Variants in PAM observed in about 807,000 individuals in gnomAD.
PAM encodes the protein peptidyl-glycine alpha-amidating monooxygenase.
In PAM, 72 loss-of-function variants were observed where a neutral mutation model predicts 122.1. The ratio of observed to expected loss-of-function variants is 0.59; its 90% CI spans 0.49 to 0.72. The LOEUF (loss-of-function observed/expected upper bound fraction) is 0.72, where lower values mean the gene tolerates loss of function less well. Ranked by LOEUF, PAM falls within the 30% of genes least tolerant of loss-of-function variation. The pLI is 0.00. For synonymous variants in PAM, 389 were observed against 404.4 expected (o/e 0.96, Z 0.46); for missense variants, 1,106 against 1,183.7 (o/e 0.93, Z 0.96).
chr5:102,779,240 A>G (rs113364315), intron 1 of PAM, among the ~76,000 whole-genome samples: 1,513 of 144,458 alleles, frequency 0.01, 31 homozygotes, highest in African/African-American at 0.036. Context: ...ATATATGTGT[A>G]TATATATATA....
chr5:102,767,743 G>A (rs936720401), intron 1 of PAM, among the ~76,000 whole-genome samples: 16 of 152,012 alleles, frequency 1.1e-4, no homozygotes, highest in Admixed American at 9.8e-4. Flanking sequence ...TTCACTAAAC[G>A]AAAAACAGCC....
At chr5:102,781,630 T>C (rs999207376) in intron 1 of PAM, among the ~76,000 whole-genome samples, 2 of 152,214 alleles carry the variant, frequency 1.3e-5, no homozygotes, top group African/African-American at 4.8e-5. Flanking sequence ...ATTTTTAGCT[T>C]TCTGCAAGCT....
At chr5:102,844,805 G>C (rs964190853) in intron 1 of PAM, among the ~76,000 whole-genome samples, 8 of 152,178 alleles carry the variant, frequency 5.3e-5, no homozygotes, top group Admixed American at 1.3e-4. Context: ...GCAGAGCTTA[G>C]ATATAAACTA....
At chr5:102,860,519 C>CA (rs1783881025) in intron 1 of PAM, among the ~76,000 whole-genome samples, 1 of 151,868 alleles carries the variant, frequency 6.6e-6, no homozygotes, top group Non-Finnish European at 1.5e-5. Flanking sequence ...TCTGTCTCTA[C>CA]AAAAAATACA....
At chr5:102,917,335 G>T (rs1745778581) in intron 5 of PAM, among the ~76,000 whole-genome samples, 1 of 152,122 alleles carries the variant, frequency 6.6e-6, no homozygotes, top group Non-Finnish European at 1.5e-5. Context: ...TTGAGTCATG[G>T]AATTGATCAC....
chr5:102,756,279 C>T (rs1244794092), intron 1 of PAM, among the ~76,000 whole-genome samples: 1 of 152,146 alleles, frequency 6.6e-6, no homozygotes, highest in Non-Finnish European at 1.5e-5. Context: ...TGGTCAGTAG[C>T]TTTGCGGGGC....
chr5:102,905,650 A>C (rs1281841977), intron 4 of PAM, among the ~76,000 whole-genome samples: 2 of 151,582 alleles, frequency 1.3e-5, no homozygotes, highest in Non-Finnish European at 3.0e-5. Flanking sequence ...TCGTATATCC[A>C]TGTTTTATGG....
intron 7 of PAM, among the ~76,000 whole-genome samples, chr5:102,931,927 G>A (rs193055114): frequency 6.6e-6 from 1 of 151,910 alleles, no homozygotes; most frequent in Non-Finnish European, 1.5e-5. Flanking sequence ...ATAGCCAAAA[G>A]TTTTGCTTTC....
rs374599328 is a variant in PAM, at chr5:102,991,325, A to G, written c.1613+924A>G. Among the ~76,000 whole-genome samples the G allele has an allele frequency of 3.3e-5, 5 of 152,196 alleles. 1 individual carries two copies. The highest frequency in any genetic ancestry group is 2.4e-5 in the African/African-American group (1 of 41,456). ...CAATTTTTAAAAGCTAAACCCCACA[A>G]TTTAGCAGCTTATTTTAATTCTTTT... On this transcript the variant is annotated intron_variant, in intron 16 of 25. Transcript: ENST00000438793.
At chr5:102,965,162 GACACACACACACAC>G (rs66633444) in intron 14 of PAM, among the ~76,000 whole-genome samples, 4 of 138,724 alleles carry the variant, frequency 2.9e-5, no homozygotes, top group Admixed American at 7.3e-5. Context: ...TTCCAAAGCA[GACACACACACACAC>G]ACACACACAC....
intron 20 of PAM, among the ~76,000 whole-genome samples, chr5:103,008,849 A>G (rs1391023114): frequency 6.6e-6 from 1 of 152,154 alleles, no homozygotes; most frequent in Non-Finnish European, 1.5e-5. Context: ...AATAAATTAA[A>G]TATAAGAAGA....
intron 1 of PAM, among the ~76,000 whole-genome samples, chr5:102,863,018 T>TTGCTTTGTATTACAAATAA (rs1561666361): frequency 2.7e-5 from 4 of 150,932 alleles, no homozygotes; most frequent in African/African-American, 7.4e-5. Context: ...AAATGAAAAT[T>TTGCTTTGTATTACAAATAA]AGAGGGAATG....
At chr5:102,937,720 C>T (rs1753747970) in intron 7 of PAM, among the ~76,000 whole-genome samples, 1 of 152,070 alleles carries the variant, frequency 6.6e-6, no homozygotes, top group Non-Finnish European at 1.5e-5. Flanking sequence ...GCATGACTTG[C>T]CTAAGGTAGT....
At chr5:102,984,298 A>T (rs1362006098) in intron 15 of PAM, among the ~76,000 whole-genome samples, 1 of 152,260 alleles carries the variant, frequency 6.6e-6, no homozygotes, top group Non-Finnish European at 1.5e-5. Flanking sequence ...GACTGCCTTA[A>T]TGGAGAGAAA....
chr5:103,028,546 G>C (rs1273432383), intron 25 of PAM, among the ~76,000 whole-genome samples: 1 of 152,146 alleles, frequency 6.6e-6, no homozygotes. Flanking sequence ...GTCAATGTTT[G>C]TCATAGTAAA....
chr5:102,986,493 T>TA (rs1248150457), intron 15 of PAM, among the ~76,000 whole-genome samples: 3 of 152,162 alleles, frequency 2.0e-5, no homozygotes, highest in African/African-American at 4.8e-5. Flanking sequence ...TACAATAGCT[T>TA]AAAAAAATAC....
intron 1 of PAM, among the ~76,000 whole-genome samples, chr5:102,844,158 T>C (rs965890819): frequency 6.6e-6 from 1 of 152,104 alleles, no homozygotes; most frequent in Non-Finnish European, 1.5e-5. Context: ...TGCAACAACT[T>C]GGATGGATCT....
intron 1 of PAM, among the ~76,000 whole-genome samples, chr5:102,857,795 C>A (rs1783033117): frequency 6.6e-6 from 1 of 152,142 alleles, no homozygotes; most frequent in Admixed American, 6.5e-5. Flanking sequence ...CAATGCCTGG[C>A]ATATAGTAAT....
At chr5:102,906,319 CT>C (rs1185421460) in intron 4 of PAM, among the ~76,000 whole-genome samples, 11 of 151,728 alleles carry the variant, frequency 7.2e-5, no homozygotes, top group South Asian at 4.2e-4. Flanking sequence ...GCAGGAACTA[CT>C]TTAGTAGTCA....
Sources: gnomAD v4.1 joint callset for allele counts (sites outside exome capture counted in the v4.1 genomes callset) on GRCh38, gnomAD v4.1.1 for gene constraint, MANE v1.5 for transcripts, NCBI Gene and HGNC (gene_info 2026-07-23, HGNC 2026-07-21) for gene names.